PATJ: variants seen among roughly 807,000 people sequenced by gnomAD.
PATJ encodes the protein inaD-like protein.
In PATJ, 190 loss-of-function variants were observed where a neutral mutation model predicts 224.9. The observed-to-expected ratio is 0.84, with a 90% CI of 0.75 to 0.95. The LOEUF (loss-of-function observed/expected upper bound fraction) is 0.95, where lower values mean the gene tolerates loss of function less well. Ranked by LOEUF, PATJ falls within the 40% of genes least tolerant of loss-of-function variation. The pLI is 0.00. For missense variants in PATJ, 2,121 were observed against 2,270.3 expected (o/e 0.93, Z 1.34); for synonymous variants, 769 against 820.3 (o/e 0.94, Z 1.07).
chr1:62,085,915 AT>A (rs945216241), intron 33 of PATJ, among the ~76,000 whole-genome samples: 8 of 150,874 alleles, frequency 5.3e-5, no homozygotes, highest in South Asian at 2.1e-4. Flanking sequence ...TCTACTCATA[AT>A]TTTTTTTAGA....
rs371560379 is a variant in PATJ, at chr1:62,111,600, A to G, written c.4462-2453A>G. Reference sequence around the variant, plus strand: ...GCTTAAGTAATTTACACAGGGTTTCATATAGCCAGGAAGTTGGAATCAGCA... The same window carrying G: ...GCTTAAGTAATTTACACAGGGTTTCGTATAGCCAGGAAGTTGGAATCAGCA... On this transcript the variant is annotated intron_variant, in intron 34 of 43. Transcript: ENST00000642238. 1.6e-3 allele frequency among the ~76,000 whole-genome samples: 247 copies of G among 152,234 alleles called. 2 individuals carry two copies. Among genetic ancestry groups the G allele is most frequent in the South Asian group, 0.011 (52 of 4,812 alleles).
At chr1:61,811,251 G>A (rs756628008) in intron 14 of PATJ, among the ~76,000 whole-genome samples, 4 of 152,018 alleles carry the variant, frequency 2.6e-5, no homozygotes, top group Non-Finnish European at 5.9e-5. Flanking sequence ...TTTTTGAGAC[G>A]GAGTTTCATT....
chr1:61,862,618 G>A (rs1005246086), intron 19 of PATJ, among the ~76,000 whole-genome samples: 1 of 152,066 alleles, frequency 6.6e-6, no homozygotes, highest in Non-Finnish European at 1.5e-5. Flanking sequence ...ATTTTGGATG[G>A]TAGAACATAT....
intron 43 of PATJ, among the ~76,000 whole-genome samples, chr1:62,154,777 T>C (rs1570851798): frequency 6.6e-6 from 1 of 152,188 alleles, no homozygotes; most frequent in Non-Finnish European, 1.5e-5. Context: ...CCTGTGCAGA[T>C]CTTAGATCTT....
intron 37 of PATJ, chr1:62,117,506 TAA>T (rs202208470): frequency 4.4e-3 from 2,753 of 632,206 alleles, no homozygotes; most frequent in East Asian, 5.5e-3. Context: ...TGTGTTTATT[TAA>T]AAAAAAAAAA....
chr1:62,118,281 G>A (rs1433762482), intron 37 of PATJ, among the ~76,000 whole-genome samples: 2 of 151,664 alleles, frequency 1.3e-5, no homozygotes, highest in Non-Finnish European at 2.9e-5. Flanking sequence ...TTAATAGTTA[G>A]TGATGATATT....
At chr1:61,970,165 A>G (rs182847285) in intron 27 of PATJ, among the ~76,000 whole-genome samples, 6 of 150,630 alleles carry the variant, frequency 4.0e-5, no homozygotes, top group African/African-American at 7.3e-5. Context: ...CTTGTCATCT[A>G]TTTTTTCTTC....
chr1:61,762,891 A>G lies in PATJ; in HGVS notation c.-2A>G. ...AAGAGTGATTGAAGAGAATAATTCA[A>G]AATGCCTGAAAATCCTGCTACAGGT... On this transcript the variant is annotated 5_prime_UTR_variant, in exon 2 of 44. Coordinates refer to ENST00000642238, the MANE Select transcript of PATJ (RefSeq NM_001350145.3). 2 of 1,537,102 alleles carry G rather than the reference A, an allele frequency of 1.3e-6. No individual in the cohort carries two copies. Among genetic ancestry groups the G allele is most frequent in the Non-Finnish European group, 1.8e-6 (2 of 1,125,858 alleles).
chr1:61,895,678 A>G (rs932959284), intron 22 of PATJ, among the ~76,000 whole-genome samples: 6 of 152,206 alleles, frequency 3.9e-5, no homozygotes, highest in Admixed American at 3.9e-4. Flanking sequence ...CAGAGCCCTC[A>G]TGGAGAATCT....
Position 61,827,529 on chromosome 1 carries a change from T to C in PATJ, c.1926T>C (p.Asp642=). The change falls in exon 16 of 44, where the codon GAT becomes GAC. Residue 642 remains aspartate, a synonymous_variant. Transcript: ENST00000642238. ...TTTGCTGTCGGAGGTTGTTTGATGA[T>C]GAAGCTTCTGTAGATGAACCAAGGC... is the stretch of plus-strand genomic sequence containing the variant. ...TLVCCRRLFD[D]EASVDEPRRT... is the part of the protein sequence containing the mutation. 6.2e-7 allele frequency: 1 copy of C among 1,614,102 alleles called. No homozygotes were observed. The highest frequency in any genetic ancestry group is 8.5e-7 in the Non-Finnish European group (1 of 1,180,022).
intron 39 of PATJ, among the ~76,000 whole-genome samples, chr1:62,126,590 C>G (rs1665742610): frequency 6.6e-6 from 1 of 152,208 alleles, no homozygotes. Flanking sequence ...AGCCAAGTCT[C>G]TTCACCAGAG....
At chr1:62,133,955 A>C (rs1039063702) in intron 41 of PATJ, among the ~76,000 whole-genome samples, 1 of 151,954 alleles carries the variant, frequency 6.6e-6, no homozygotes, top group African/African-American at 2.4e-5. Context: ...CATGTTGGCC[A>C]GGCTGGTCTC....
At chr1:62,074,867 G>A (rs1200628140) in intron 31 of PATJ, among the ~76,000 whole-genome samples, 1 of 152,130 alleles carries the variant, frequency 6.6e-6, no homozygotes, top group East Asian at 1.9e-4. Flanking sequence ...AGGAGGCTGA[G>A]GCAGGAGAAT....
chr1:62,005,416 G>GT (rs1558027388), intron 28 of PATJ, among the ~76,000 whole-genome samples: 3,853 of 95,144 alleles, frequency 0.04, 80 homozygotes, highest in Middle Eastern at 0.077. Context: ...AATATGATGT[G>GT]GTTTTTTTTT....
intron 20 of PATJ, among the ~76,000 whole-genome samples, chr1:61,869,436 GCCATT>G (rs1396919596): frequency 2.0e-5 from 3 of 151,994 alleles, no homozygotes; most frequent in Non-Finnish European, 4.4e-5. Flanking sequence ...TTTGCTTATT[GCCATT>G]CCTCAAGAGG....
intron 27 of PATJ, among the ~76,000 whole-genome samples, chr1:61,959,437 T>A (rs1424166744): frequency 0.13 from 7,325 of 58,444 alleles, 322 homozygotes; most frequent in South Asian, 0.17. Flanking sequence ...TTTTTTTCTT[T>A]TCTTTTTTTT....
intron 41 of PATJ, among the ~76,000 whole-genome samples, chr1:62,143,482 CCTCT>C (rs1667711093): frequency 7.7e-6 from 1 of 129,620 alleles, no homozygotes; most frequent in South Asian, 2.4e-4. Context: ...ACAGCGTCTC[CCTCT>C]GTCACCCAGG....
intron 27 of PATJ, among the ~76,000 whole-genome samples, chr1:61,976,691 C>T (rs1480732212): frequency 1.3e-5 from 2 of 151,784 alleles, no homozygotes; most frequent in Admixed American, 6.6e-5. Flanking sequence ...TACAGGCATG[C>T]GCCAGTGTGC....
rs558685410 is a variant in PATJ at position 61,919,450 on chromosome 1, C to T, written c.3570+4786C>T. On this transcript the variant is annotated intron_variant, in intron 26 of 43. Transcript: ENST00000642238. ...TCCCAAGTAGCTGAGACCACTGACGCGCACCACCACGCCCAGCTAGTTTTT... is the reference window on the plus strand; with the variant it reads ...TCCCAAGTAGCTGAGACCACTGACGTGCACCACCACGCCCAGCTAGTTTTT... 1.0e-3 allele frequency among the ~76,000 whole-genome samples: 156 copies of T among 151,488 alleles called. 1 individual carries two copies. The highest frequency in any genetic ancestry group is 6.8e-3 in the Middle Eastern group (2 of 294).
Sources: allele counts gnomAD v4.1 joint callset (sites outside exome capture counted in the v4.1 genomes callset), GRCh38; gene constraint gnomAD v4.1.1; transcripts MANE v1.5; gene names NCBI Gene and HGNC (gene_info 2026-07-23, HGNC 2026-07-21).